Variants in RYR1 observed in about 807,000 individuals in gnomAD.
RYR1 encodes the protein central core disease of muscle.
A neutral mutation model predicts 583.5 loss-of-function variants in RYR1; 342 were observed. The observed-to-expected ratio is 0.59, with a 90% CI of 0.54 to 0.64. The LOEUF is 0.64. Ranked by LOEUF, RYR1 falls within the 30% of genes least tolerant of loss-of-function variation. RYR1 has a pLI of 0.00. For synonymous variants in RYR1, 2,791 were observed against 2,822.5 expected (o/e 0.99, Z 0.35); for missense variants, 6,032 against 6,917.2 (o/e 0.87, Z 4.54).
chr19:38,559,362 T>A (rs1973023029), intron 89 of RYR1, among the ~76,000 whole-genome samples: 1 of 150,888 alleles, frequency 6.6e-6, no homozygotes, highest in Non-Finnish European at 1.5e-5. Context: ...GCCTCTCAAG[T>A]AGCTGGGATT....
In RYR1 at chr19:38,460,376, G is replaced by T. The variant is rs1967661422; in HGVS notation, c.2362G>T (p.Val788Leu). 18 of 1,613,910 alleles carry T rather than the reference G, an allele frequency of 1.1e-5. No individual in the cohort carries two copies. Among genetic ancestry groups the T allele is most frequent in the Non-Finnish European group, 1.5e-5 (18 of 1,179,874 alleles). ...TCCCCATTGTCCTTCCTTACCCAGG[G>T]TGCGGTTCCTCCTTGGTGGCCGCCA... is the stretch of plus-strand genomic sequence containing the variant. ...PVVSFSAGVK[V>L]RFLLGGRHGE... Residue 788 changes from valine to leucine, a missense_variant and splice_region_variant, in exon 20 of 106, where the codon GTG (valine) becomes TTG (leucine). Coordinates refer to ENST00000359596, the MANE Select transcript of RYR1 (RefSeq NM_000540.3).
Position 38,511,593 on chromosome 19 carries a change from A to G in RYR1, c.9155A>G (p.His3052Arg), listed in dbSNP as rs1171211801. ...TGCAAACTTGCTGCTCTCGTCCGCC[A>G]CCGAGTCTCTCTCTTTGGTAAGTGG... Reference protein sequence around the residue: ...LFCKLAALVRHRVSLFGTDAP... With the variant: ...LFCKLAALVRRRVSLFGTDAP... Residue 3052 changes from histidine to arginine, a missense_variant, in exon 61 of 106, where the codon CAC (histidine) becomes CGC (arginine). His to Arg is a conservative substitution (Grantham distance 29, BLOSUM62 0). This residue lies in a region of RYR1 where 1,493 missense variants were observed against 1,715.5 expected (regional missense o/e 0.87). Coordinates refer to ENST00000359596, the MANE Select transcript of RYR1 (RefSeq NM_000540.3). The G allele has an allele frequency of 1.2e-6, 2 of 1,613,948 alleles. No homozygotes were observed. Among genetic ancestry groups the G allele is most frequent in the East Asian group, 4.5e-5 (2 of 44,886 alleles).
rs776252106 is a variant in RYR1, at chr19:38,458,169, C to T, written c.2044C>T (p.Arg682Trp). 6.2e-6 allele frequency: 10 copies of T among 1,612,794 alleles called. No individual in the cohort carries two copies. Among genetic ancestry groups the T allele is most frequent in the South Asian group, 1.1e-5 (1 of 91,030 alleles). Residue 682 changes from arginine to tryptophan, a missense_variant, in exon 18 of 106, where the codon CGG becomes TGG. Around this residue, in one of 11 missense-constraint regions of RYR1, gnomAD observed 2,627 missense variants for 2,961.3 expected, o/e 0.89. Transcript: ENST00000359596. ...PFLTAQATHL[R>W]VGWALTEGYT... The stretch of plus-strand genomic sequence containing the variant: ...TCTGACAGCTCAGGCCACCCACTTG[C>T]GGGTGGGCTGGGCCCTCACCGAGGG...
At position 38,477,777 on chromosome 19, in the gene RYR1, C is replaced by T. The variant is rs149737658; in HGVS notation, c.4361C>T (p.Pro1454Leu). ...PSCVWAGWVTPDYHQHDMSFD... is the reference protein window; with the variant it reads ...PSCVWAGWVTLDYHQHDMSFD... ...TGCGTGTGGGCGGGCTGGGTCACCC[C>T]TGACTACCATCAGCACGACATGAGC... The change falls in exon 30 of 106, where the codon CCT becomes CTT. Residue 1454 changes from proline (P) to leucine (L), a missense_variant. Pro to Leu is a moderately conservative substitution (Grantham distance 98). Around this residue, in one of 11 missense-constraint regions of RYR1, gnomAD observed 2,627 missense variants for 2,961.3 expected, o/e 0.89. Transcript: ENST00000359596. 13 of 1,613,982 alleles carry T rather than the reference C, an allele frequency of 8.1e-6. No individual in the cohort carries two copies. In the African/African-American group the frequency reaches 1.5e-4, roughly 18 times the overall value.
Position 38,504,744 on chromosome 19 carries a change from C to A in RYR1, c.8068-4C>A. ...CCTACCCCTGCTTCACCCGGTTTTC[C>A]CAGAAATACGACCCGGAGCTGTACC... On this transcript the variant is annotated splice_region_variant and splice_polypyrimidine_tract_variant and intron_variant, in intron 50 of 105. Coordinates refer to ENST00000359596, the MANE Select transcript of RYR1 (RefSeq NM_000540.3). 4 of 1,614,020 alleles carry A rather than the reference C, an allele frequency of 2.5e-6. No homozygotes were observed. The highest frequency in any genetic ancestry group is 3.4e-6 in the Non-Finnish European group (4 of 1,180,014).
chr19:38,579,563 C>T (rs1000171518), intron 99 of RYR1, among the ~76,000 whole-genome samples: 2 of 148,738 alleles, frequency 1.3e-5, no homozygotes, highest in African/African-American at 5.0e-5. Flanking sequence ...GCATTCCAGC[C>T]TGGGTGACAA....
rs1433043392 is a variant in RYR1 at position 38,440,553 on chromosome 19, A to G, written c.46-192A>G. Among the ~76,000 whole-genome samples the G allele has an allele frequency of 3.9e-5, 6 of 152,220 alleles. No individual in the cohort carries two copies. The East Asian group carries it at 9.6e-4, about 24-fold the overall frequency. On this transcript the variant is annotated intron_variant, in intron 1 of 105. Transcript: ENST00000359596. ...ATTTCAAATAAATAAATAATAAAAA[A>G]TAAAATAAATGGGATGATGCTGGCT...
At chr19:38,446,067 C>G (rs935692939) in intron 7 of RYR1, among the ~76,000 whole-genome samples, 4 of 152,084 alleles carry the variant, frequency 2.6e-5, no homozygotes, top group Admixed American at 2.6e-4. Context: ...CAGACCCAAC[C>G]ATCACCCTTC....
At position 38,447,032 on chromosome 19, in the gene RYR1, C is replaced by T. The variant is rs867388922; in HGVS notation, c.800+264C>T. 2.0e-5 allele frequency among the ~76,000 whole-genome samples: 3 copies of T among 151,492 alleles called. No individual in the cohort carries two copies. In the South Asian group the frequency reaches 6.3e-4, roughly 32 times the overall value. ...AGCCTAGGCAACATCATGAGACCCC[C>T]GTCTCTGCAAAAAAAATAAAATAAA... On this transcript the variant is annotated intron_variant, in intron 9 of 105. Coordinates refer to ENST00000359596, the MANE Select transcript of RYR1 (RefSeq NM_000540.3).
rs1160096856 is a variant in RYR1, at chr19:38,500,641, CCG to C, written c.7363_7364del (p.Ala2455HisfsTer146). 1 of 1,613,748 alleles carries C rather than the reference CCG, an allele frequency of 6.2e-7. No homozygotes were observed. The highest frequency in any genetic ancestry group is 8.5e-7 in the Non-Finnish European group (1 of 1,180,024). On this transcript the variant is annotated frameshift_variant, in exon 46 of 106. Transcript: ENST00000359596. LOFTEE classifies it high-confidence loss of function. This position sits in a 1 kb window ranked among gnomAD's most constrained non-coding sequence, Gnocchi z 5.9. ...QAGKGEALRI[R>X]AILRSLVPLE... ...CCGGCAAGGGTGAGGCCCTGCGGATCCGCGCCATCCTCCGCTCCCTTGTGCCC... is the reference window on the plus strand; with the variant it reads ...CCGGCAAGGGTGAGGCCCTGCGGATCCGCCATCCTCCGCTCCCTTGTGCCC...
intron 67 of RYR1, among the ~76,000 whole-genome samples, 168 bp from the exon 68 acceptor site, chr19:38,522,860 A>G (rs2145701569): frequency 7.9e-6 from 1 of 126,768 alleles, no homozygotes; most frequent in Middle Eastern, 4.4e-3. Flanking sequence ...TGAGACAGAG[A>G]AAAAAAATTT....
intron 99 of RYR1, 111 bp downstream of exon 99, chr19:38,578,315 C>A: frequency 9.3e-7 from 1 of 1,076,648 alleles, no homozygotes; most frequent in Non-Finnish European, 1.4e-6. Context: ...CCCTGAGTGG[C>A]TGTGACCCTA....
intron 49 of RYR1, 40 bp from the exon 50 acceptor site, chr19:38,504,180 G>A (rs767443368): frequency 1.3e-6 from 2 of 1,586,136 alleles, no homozygotes; most frequent in East Asian, 4.6e-5. Flanking sequence ...ATTCGCTGGT[G>A]CCCCCCTCAT....
rs1459249278 is a variant in RYR1 at position 38,528,987 on chromosome 19, G to A, written c.11071G>A (p.Glu3691Lys). ...GCAGGAGGAGGAGGAGGAAGAGGTG[G>A]AAGAGAAGAAGCCAGACCCCCTGCA... is the stretch of plus-strand genomic sequence containing the variant. The part of the protein sequence containing the change: ...GEQEEEEEEV[E>K]EKKPDPLHQL... Residue 3691 changes from glutamate (E) to lysine (K), a missense_variant, in exon 76 of 106, where the codon GAA becomes AAA. Coordinates refer to ENST00000359596, the MANE Select transcript of RYR1 (RefSeq NM_000540.3). The A allele has an allele frequency of 5.6e-6, 9 of 1,613,128 alleles. No individual in the cohort carries two copies. Among genetic ancestry groups the A allele is most frequent in the Non-Finnish European group, 6.8e-6 (8 of 1,179,646 alleles).
rs71337552 is a variant in RYR1 at position 38,463,870 on chromosome 19, G to A, written c.2786+20G>A. On this transcript the variant is annotated intron_variant, in intron 22 of 105. Transcript: ENST00000359596. ...GCTCAAGTGAGGGCCCAGGGGAGCC[G>A]GGGGTTGGGGCTGGCTGCTGGTGCG... The A allele has an allele frequency of 1.1e-4, 182 of 1,596,256 alleles. 1 individual carries two copies. The highest frequency in any genetic ancestry group is 2.6e-4 in the South Asian group (24 of 90,726).
intron 74 of RYR1, 47 bp downstream of exon 74, chr19:38,528,465 G>C (rs750401634): frequency 3.7e-6 from 6 of 1,606,080 alleles, no homozygotes; most frequent in Non-Finnish European, 4.3e-6. Flanking sequence ...GCGGAGAAAG[G>C]GTGGCTGGAG....
intron 88 of RYR1, among the ~76,000 whole-genome samples, chr19:38,547,205 A>ATT (rs1204178433): frequency 0.024 from 2,975 of 123,568 alleles, 78 homozygotes; most frequent in Admixed American, 0.067. Flanking sequence ...CACCTGGCTA[A>ATT]TTTTTTTTTT....
At chr19:38,537,127 A>G (rs1972006213) in intron 83 of RYR1, 1 of 384,572 alleles carries the variant, frequency 2.6e-6, no homozygotes, top group African/African-American at 2.0e-5. Flanking sequence ...CCCCACTCCC[A>G]CCTACTCTGC....
chr19:38,478,270 AG>A (rs1968840404), intron 30 of RYR1, among the ~76,000 whole-genome samples, 164 bp from the exon 31 acceptor site: 1 of 151,932 alleles, frequency 6.6e-6, no homozygotes, highest in Non-Finnish European at 1.5e-5. Flanking sequence ...AGCTCCGAAG[AG>A]CTCAGTGTCC....
Sources: allele counts gnomAD v4.1 joint callset (sites outside exome capture counted in the v4.1 genomes callset), GRCh38; gene constraint gnomAD v4.1.1; regional missense constraint gnomAD v4.1.1; non-coding constraint Gnocchi (gnomAD v3.1); transcripts MANE v1.5; gene names NCBI Gene and HGNC (gene_info 2026-07-23, HGNC 2026-07-21).